DLGAP4: variants seen among roughly 807,000 people sequenced by gnomAD.
DLGAP4 encodes DLG associated protein 4, also known as disks large-associated protein 4.
DLGAP4 carries 18 observed loss-of-function variants against 86.9 expected under a neutral mutation model. That is an observed-to-expected ratio of 0.21 (90% confidence interval 0.14 to 0.31). The LOEUF is 0.31. Ranked by LOEUF, DLGAP4 falls within the 10% of genes least tolerant of loss-of-function variation. The probability of loss-of-function intolerance (pLI) is 1.00; values close to 1 mark genes in which losing one functional copy is unlikely to be tolerated. For missense variants in DLGAP4, 1,085 were observed against 1,362.6 expected (o/e 0.80, Z 3.21); for synonymous variants, 548 against 574.3 (o/e 0.95, Z 0.65).
Position 36,372,992 on chromosome 20 carries a change from A to AT in DLGAP4, c.-73+5726dup, listed in dbSNP as rs1042937217. ...AGGATATCTACTTAGGTATCTACTG[A>AT]TTTTTTTTTCACTTTTGTTATGAAA... On this transcript the variant is annotated intron_variant, in intron 2 of 12. Coordinates refer to ENST00000339266, the MANE Select transcript of DLGAP4 (RefSeq NM_001365621.2). Among the ~76,000 whole-genome samples the AT allele has an allele frequency of 6.0e-5, 9 of 151,044 alleles. No homozygotes were observed. In the East Asian group the frequency reaches 1.2e-3, roughly 20 times the overall value.
At chr20:36,333,211 G>A (rs2147362380) in intron 1 of DLGAP4, among the ~76,000 whole-genome samples, 1 of 152,298 alleles carries the variant, frequency 6.6e-6, no homozygotes, top group East Asian at 1.9e-4. Flanking sequence ...GATGGGGACA[G>A]GGTTCAGAGG....
chr20:36,451,357 T>C (rs900005123), intron 7 of DLGAP4, among the ~76,000 whole-genome samples: 1 of 152,154 alleles, frequency 6.6e-6, no homozygotes, highest in Admixed American at 6.6e-5. Flanking sequence ...TCTTGATTGA[T>C]TGATTGATTG....
At chr20:36,489,290 T>C (rs2035556932) in intron 7 of DLGAP4, among the ~76,000 whole-genome samples, 1 of 152,186 alleles carries the variant, frequency 6.6e-6, no homozygotes, top group African/African-American at 2.4e-5. Flanking sequence ...TAGGATCAGC[T>C]GTATATGAAG....
At chr20:36,396,968 A>G (rs1377673406) in intron 2 of DLGAP4, among the ~76,000 whole-genome samples, 1 of 152,206 alleles carries the variant, frequency 6.6e-6, no homozygotes, top group Admixed American at 6.5e-5. Flanking sequence ...ACCTTGAGGC[A>G]CCTGAAGCTG....
rs1301524614 is a variant in DLGAP4, at chr20:36,452,711, T to C, written c.1648+5774T>C. 3.3e-5 allele frequency among the ~76,000 whole-genome samples: 5 copies of C among 151,904 alleles called. No homozygotes were observed. The South Asian group carries it at 6.2e-4, about 19-fold the overall frequency. On this transcript the variant is annotated intron_variant, in intron 7 of 12. Transcript: ENST00000339266. ...TTTTAGTAAAGGTGGGGTTTCATCATGTTCGCTACGCTGGTCTTGAACGTC... is the reference window on the plus strand; with the variant it reads ...TTTTAGTAAAGGTGGGGTTTCATCACGTTCGCTACGCTGGTCTTGAACGTC...
chr20:36,429,976 C>T (rs2033084487), intron 2 of DLGAP4, among the ~76,000 whole-genome samples: 1 of 152,230 alleles, frequency 6.6e-6, no homozygotes, highest in African/African-American at 2.4e-5. Flanking sequence ...TCCAGCCACA[C>T]TGACTCTTTG....
intron 2 of DLGAP4, among the ~76,000 whole-genome samples, chr20:36,418,097 G>A (rs535061887): frequency 7.0e-6 from 1 of 143,644 alleles, no homozygotes; most frequent in Admixed American, 7.1e-5. Context: ...ATTTGGTTGT[G>A]TGTGTGTGCG....
intron 8 of DLGAP4, chr20:36,499,231 T>C: frequency 6.2e-7 from 1 of 1,604,978 alleles, no homozygotes; most frequent in Non-Finnish European, 8.5e-7. Context: ...TTCTCTCTGA[T>C]GCGTGTGAAG....
chr20:36,525,323 G>T lies in DLGAP4; in HGVS notation c.2605-528G>T, dbSNP rs185083376. ...TCCCTCTTACCTGTTAGGAGGGCTGGCCCTGCCAGGGTCAAAAGCAAAGTC... is the reference window on the plus strand; with the variant it reads ...TCCCTCTTACCTGTTAGGAGGGCTGTCCCTGCCAGGGTCAAAAGCAAAGTC... On this transcript the variant is annotated intron_variant, in intron 11 of 12. Transcript: ENST00000339266. 1.1e-4 allele frequency among the ~76,000 whole-genome samples: 17 copies of T among 150,520 alleles called. No individual in the cohort carries two copies. In the East Asian group the frequency reaches 3.0e-3, roughly 26 times the overall value.
intron 2 of DLGAP4, among the ~76,000 whole-genome samples, chr20:36,378,855 G>A (rs971921011): frequency 6.6e-6 from 1 of 152,098 alleles, no homozygotes; most frequent in African/African-American, 2.4e-5. Context: ...GAAAGTGGGT[G>A]GTGGGAAGGC....
intron 10 of DLGAP4, among the ~76,000 whole-genome samples, chr20:36,510,638 T>C (rs1168107965): frequency 6.6e-6 from 1 of 152,118 alleles, no homozygotes; most frequent in East Asian, 1.9e-4. Context: ...TTGGAATTCC[T>C]GACCTCAAGT....
At chr20:36,462,844 C>T (rs1301508515) in intron 7 of DLGAP4, among the ~76,000 whole-genome samples, 2 of 152,254 alleles carry the variant, frequency 1.3e-5, no homozygotes, top group Non-Finnish European at 2.9e-5. Flanking sequence ...GCTGGGCATC[C>T]CTGCCCACTT....
intron 1 of DLGAP4, among the ~76,000 whole-genome samples, chr20:36,330,865 G>A (rs1001523920): frequency 5.3e-5 from 8 of 152,144 alleles, no homozygotes; most frequent in South Asian, 2.1e-4. Flanking sequence ...GAGCCGCCAC[G>A]CCCGGCCGAC....
rs754569614 is a variant in DLGAP4 at position 36,526,965 on chromosome 20, G to T, written c.2913G>T (p.Gln971His). 1.2e-6 allele frequency: 2 copies of T among 1,612,258 alleles called. No individual in the cohort carries two copies. Among genetic ancestry groups the T allele is most frequent in the Admixed American group, 3.3e-5 (2 of 59,776 alleles). The change falls in exon 13 of 13, where the codon CAG (glutamine) becomes CAT (histidine). Residue 971 changes from glutamine to histidine, a missense_variant. By Grantham distance (24) the Gln-to-His change is conservative. This residue lies in a region of DLGAP4 where 1,082 missense variants were observed against 1,344.1 expected (regional missense o/e 0.81). Coordinates refer to ENST00000339266, the MANE Select transcript of DLGAP4 (RefSeq NM_001365621.2). ...LAAKRAASVR[Q>H]NSATESADSI... is the part of the protein sequence containing the mutation. ...CCAAGCGGGCAGCTTCTGTGCGGCA[G>T]AACTCAGCCACCGAGAGCGCAGACA...
At chr20:36,361,766 A>G (rs2030528596) in intron 1 of DLGAP4, among the ~76,000 whole-genome samples, 1 of 151,944 alleles carries the variant, frequency 6.6e-6, no homozygotes, top group South Asian at 2.1e-4. Flanking sequence ...TGAGGTCAGG[A>G]GTTCGAAACC....
rs117007314 is a variant in DLGAP4 at position 36,481,766 on chromosome 20, G to A, written c.1649-14939G>A. 2.3e-3 allele frequency among the ~76,000 whole-genome samples: 352 copies of A among 152,228 alleles called. 1 individual carries two copies. The highest frequency in any genetic ancestry group is 3.6e-3 in the Non-Finnish European group (248 of 68,002). On this transcript the variant is annotated intron_variant, in intron 7 of 12. Coordinates refer to ENST00000339266, the MANE Select transcript of DLGAP4 (RefSeq NM_001365621.2). ...TTCTGTCTTCAGGTTCCAGTTTGAC[G>A]ATATCCCTTGCCTGGAATTACCTAT...
intron 10 of DLGAP4, among the ~76,000 whole-genome samples, chr20:36,515,919 A>G (rs2037010306): frequency 6.6e-6 from 1 of 152,242 alleles, no homozygotes; most frequent in Admixed American, 6.5e-5. Flanking sequence ...TGTCTCAGAT[A>G]GTGATGGTGG....
intron 7 of DLGAP4, among the ~76,000 whole-genome samples, chr20:36,455,295 C>A (rs1333462714): frequency 1.3e-5 from 2 of 152,180 alleles, no homozygotes; most frequent in South Asian, 4.2e-4. Flanking sequence ...TGCCTTCCTT[C>A]CCTCTCAGTT....
At chr20:36,444,016 A>C (rs2033523824) in intron 6 of DLGAP4, among the ~76,000 whole-genome samples, 1 of 152,212 alleles carries the variant, frequency 6.6e-6, no homozygotes. Context: ...GACCCCTGGC[A>C]GTCTAGTTCC....
Sources: gnomAD v4.1 joint callset for allele counts (sites outside exome capture counted in the v4.1 genomes callset) on GRCh38, gnomAD v4.1.1 for gene constraint, gnomAD v4.1.1 regional missense constraint, MANE v1.5 for transcripts, NCBI Gene and HGNC (gene_info 2026-07-23, HGNC 2026-07-21) for gene names.